Variants in CSDE1 observed in about 807,000 individuals in gnomAD.
CSDE1 encodes cold shock domain containing E1, also known as cold shock domain-containing protein E1.
Under a neutral mutation model 89.3 loss-of-function variants are expected in CSDE1, and 17 were observed. The observed-to-expected ratio is 0.19, with a 90% CI of 0.13 to 0.29. The LOEUF (loss-of-function observed/expected upper bound fraction) is 0.29. Ranked by LOEUF, CSDE1 falls within the 10% of genes least tolerant of loss-of-function variation. The probability of loss-of-function intolerance (pLI) is 1.00; values close to 1 mark genes in which losing one functional copy is unlikely to be tolerated. For missense variants in CSDE1, 672 were observed against 984.2 expected, an observed-to-expected ratio of 0.68 and a Z score of 4.24; for synonymous variants, 322 against 332.8, an observed-to-expected ratio of 0.97 and a Z score of 0.35.
At chr1:114,736,415 G>T (rs1034086454) in intron 6 of CSDE1, among the ~76,000 whole-genome samples, 1 of 152,092 alleles carries the variant, frequency 6.6e-6, no homozygotes, top group African/African-American at 2.4e-5. Context: ...CCCCCAACAT[G>T]TCATGATACT....
intron 7 of CSDE1, 147 bp from the exon 8 acceptor site, chr1:114,734,264 T>C (rs1660270188): frequency 8.7e-7 from 1 of 1,151,578 alleles, no homozygotes; most frequent in South Asian, 1.5e-5. Context: ...AAACAGCCAA[T>C]TTTAAAGAAG....
Position 114,739,873 on chromosome 1 carries a change from G to C in CSDE1, c.18C>G (p.Asn6Lys), listed in dbSNP as rs143932215. The change falls in exon 3 of 20, where the codon AAC becomes AAG. Residue 6 changes from asparagine to lysine, a missense_variant. Asn to Lys is a moderately conservative substitution (Grantham distance 94). This residue lies in a region of CSDE1 where 26 missense variants were observed against 24.3 expected (regional missense o/e 1.07). Transcript: ENST00000358528. The part of the protein sequence containing the change: MSFDP[N>K]LLHNNGHNGY... The stretch of plus-strand genomic sequence containing the variant: ...CATTATGTCCATTGTTGTGGAGAAG[G>C]TTTGGATCAAAGCTCATCTGTTTTA... The C allele has an allele frequency of 2.5e-6, 4 of 1,613,748 alleles. No homozygotes were observed. Among genetic ancestry groups the C allele is most frequent in the Non-Finnish European group, 3.4e-6 (4 of 1,179,718 alleles).
In CSDE1 at chr1:114,757,923, A is replaced by G. The variant is rs941065670; in HGVS notation, c.-388+2T>C. On this transcript the variant is annotated splice_donor_variant, in intron 1 of 19. Transcript: ENST00000358528. LOFTEE classifies it low-confidence loss of function (5UTR_SPLICE). ...CCAGTTGGACCCTGAGGTCGTACTCACCCCAACAGCTCAGCGCCCCCTCTC... is the reference window on the plus strand; with the variant it reads ...CCAGTTGGACCCTGAGGTCGTACTCGCCCCAACAGCTCAGCGCCCCCTCTC... 3 of 152,568 alleles carry G rather than the reference A, an allele frequency of 2.0e-5. No individual in the cohort carries two copies. The highest frequency in any genetic ancestry group is 2.9e-5 in the Non-Finnish European group (2 of 68,246). 9.5% of individuals were successfully genotyped at this position (152,568 alleles called of 1,614,324 possible). A position where few individuals can be genotyped will look rare whatever the true frequency, so the allele number is the denominator to read the frequency against.
intron 5 of CSDE1, 139 bp downstream of exon 5, chr1:114,737,332 G>C (rs1660459943): frequency 1.5e-6 from 1 of 678,398 alleles, no homozygotes; most frequent in Non-Finnish European, 2.5e-6. Flanking sequence ...TGATTATGCT[G>C]CATTTGAAGC....
chr1:114,738,508 A>T (rs1660530691), intron 3 of CSDE1, among the ~76,000 whole-genome samples: 2 of 152,028 alleles, frequency 1.3e-5, no homozygotes, highest in African/African-American at 4.8e-5. Context: ...ATAATTCCTA[A>T]CAGGACTGCC....
intron 12 of CSDE1, among the ~76,000 whole-genome samples, chr1:114,729,147 G>A (rs1659963748): frequency 1.3e-5 from 2 of 152,162 alleles, no homozygotes; most frequent in South Asian, 4.2e-4. Context: ...CGCCCAGGAT[G>A]GAGTGCAATG....
chr1:114,726,950 T>C, intron 13 of CSDE1, 33 bp downstream of exon 13: 1 of 1,421,296 alleles, frequency 7.0e-7, no homozygotes, highest in Non-Finnish European at 9.9e-7. Context: ...TGACAACTCT[T>C]AACCCTCTCT....
Position 114,734,112 on chromosome 1 carries a change from T to C in CSDE1, c.588A>G (p.Ala196=). The C allele has an allele frequency of 6.2e-7, 1 of 1,609,034 alleles. No individual in the cohort carries two copies. The highest frequency in any genetic ancestry group is 1.1e-5 in the South Asian group (1 of 90,072). ...CATCACCTCTTTCAATAAAGCCAAATGCCTCCTGAAGCAAAATAAAAAACC... is the reference window on the plus strand; with the variant it reads ...CATCACCTCTTTCAATAAAGCCAAACGCCTCCTGAAGCAAAATAAAAAACC... ...CQGVVCAMKE[A]FGFIERGDVV... is the part of the protein sequence containing the mutation. Residue 196 remains alanine (A), a synonymous_variant, in exon 8 of 20, where the codon GCA becomes GCG. Coordinates refer to ENST00000358528, the MANE Select transcript of CSDE1 (RefSeq NM_001007553.3).
chr1:114,737,286 T>C (rs889640722), intron 5 of CSDE1, among the ~76,000 whole-genome samples, 185 bp downstream of exon 5: 1 of 152,168 alleles, frequency 6.6e-6, no homozygotes, highest in African/African-American at 2.4e-5. Context: ...ACTAAGACAC[T>C]TGGAAGTCCT....
intron 9 of CSDE1, 151 bp from the exon 10 acceptor site, chr1:114,732,967 G>A (rs559381369): frequency 1.5e-6 from 1 of 654,126 alleles, no homozygotes; most frequent in African/African-American, 1.8e-5. Flanking sequence ...CAATGTGAAA[G>A]CTTCATGGTC....
chr1:114,734,407 A>G (rs1660280523), intron 7 of CSDE1, 35 bp downstream of exon 7: 1 of 1,584,924 alleles, frequency 6.3e-7, no homozygotes, highest in Non-Finnish European at 8.6e-7. Context: ...TCAAGTGGCC[A>G]AAGAAAACTC....
chr1:114,741,754 C>G, intron 2 of CSDE1: 1 of 1,104,604 alleles, frequency 9.1e-7, no homozygotes, highest in Non-Finnish European at 1.2e-6. Context: ...ATATTTTTAG[C>G]TTGGGTTTAG....
At position 114,737,516 on chromosome 1, in the gene CSDE1, G is replaced by A; in HGVS notation, c.357C>T (p.Ala119=). The stretch of plus-strand genomic sequence containing the variant: ...CACTCCCTGTTGGACTCTGACCCGG[G>A]GCAGCTGGAGATTTACTCTCTAAGT... ...PHNLESKSPA[A]PGQSPTGSVC... is the part of the protein sequence containing the mutation. The change falls in exon 5 of 20, where the codon GCC becomes GCT. Residue 119 remains alanine (A), a synonymous_variant. Coordinates refer to ENST00000358528, the MANE Select transcript of CSDE1 (RefSeq NM_001007553.3). 6.2e-7 allele frequency: 1 copy of A among 1,613,872 alleles called. No individual in the cohort carries two copies. Among genetic ancestry groups the A allele is most frequent in the Non-Finnish European group, 8.5e-7 (1 of 1,179,988 alleles).
At chr1:114,735,342 A>T (rs937207034) in intron 6 of CSDE1, among the ~76,000 whole-genome samples, 1 of 152,184 alleles carries the variant, frequency 6.6e-6, no homozygotes, top group African/African-American at 2.4e-5. Context: ...CTTTTTATTT[A>T]AAAAAATGTT....
intron 1 of CSDE1, among the ~76,000 whole-genome samples, chr1:114,752,948 C>A (rs1661385679): frequency 6.6e-6 from 1 of 152,156 alleles, no homozygotes; most frequent in South Asian, 2.1e-4. Context: ...CTGCCATATA[C>A]AACCAAAGGA....
At chr1:114,729,137 C>T (rs1659962498) in intron 12 of CSDE1, among the ~76,000 whole-genome samples, 3 of 152,058 alleles carry the variant, frequency 2.0e-5, no homozygotes, top group African/African-American at 7.2e-5. Context: ...CTCACTCAGT[C>T]GCCCAGGATG....
chr1:114,755,004 T>C (rs967979936), intron 1 of CSDE1, among the ~76,000 whole-genome samples: 8 of 152,184 alleles, frequency 5.3e-5, no homozygotes, highest in Non-Finnish European at 5.9e-5. Flanking sequence ...CTAGTAACCA[T>C]ATTACAGTCA....
At chr1:114,736,273 A>C (rs556025984) in intron 6 of CSDE1, among the ~76,000 whole-genome samples, 1 of 152,222 alleles carries the variant, frequency 6.6e-6, no homozygotes, top group East Asian at 1.9e-4. Context: ...ACCTTTCAAA[A>C]GTCTACCACT....
intron 1 of CSDE1, among the ~76,000 whole-genome samples, chr1:114,755,346 G>C (rs1195456690): frequency 1.3e-5 from 2 of 152,232 alleles, no homozygotes; most frequent in African/African-American, 4.8e-5. Flanking sequence ...ATCTAGCATA[G>C]AAGCTTGTTG....
Sources: allele counts gnomAD v4.1 joint callset (sites outside exome capture counted in the v4.1 genomes callset), GRCh38; gene constraint gnomAD v4.1.1; regional missense constraint gnomAD v4.1.1; transcripts MANE v1.5; gene names NCBI Gene and HGNC (gene_info 2026-07-23, HGNC 2026-07-21).